USP43: variants seen among roughly 807,000 people sequenced by gnomAD.
USP43 encodes ubiquitin carboxyl-terminal hydrolase 43.
Under a neutral mutation model 90.7 loss-of-function variants are expected in USP43, and 33 were observed. The ratio of observed to expected loss-of-function variants is 0.36; its 90% CI spans 0.28 to 0.49. The LOEUF (loss-of-function observed/expected upper bound fraction) is 0.49. Among genes scored for constraint, USP43 ranks in the 20% least tolerant of loss-of-function variants. USP43 has a pLI of 0.98. For synonymous variants in USP43, 598 were observed against 615.8 expected (o/e 0.97, Z 0.43); for missense variants, 1,274 against 1,476.4 (o/e 0.86, Z 2.25).
intron 14 of USP43, among the ~76,000 whole-genome samples, chr17:9,720,349 G>GAAAT (rs1461732507): frequency 2.3e-5 from 3 of 133,094 alleles, no homozygotes; most frequent in Non-Finnish European, 4.8e-5. Context: ...AAGAAAGAAA[G>GAAAT]AAAAGAAAAA....
intron 1 of USP43, 139 bp from the exon 2 acceptor site, chr17:9,656,264 T>G (rs1288857626): frequency 1.7e-6 from 2 of 1,183,752 alleles, no homozygotes; most frequent in Admixed American, 2.7e-5. Flanking sequence ...GAAAGAACAT[T>G]TCTACCCCGG....
At chr17:9,708,439 G>A (rs376469861) in intron 12 of USP43, among the ~76,000 whole-genome samples, 6 of 152,172 alleles carry the variant, frequency 3.9e-5, no homozygotes, top group African/African-American at 1.4e-4. Context: ...CTGAGATGTT[G>A]GTGTTGACAA....
At chr17:9,711,391 A>G (rs1394269824) in intron 13 of USP43, among the ~76,000 whole-genome samples, 1 of 152,226 alleles carries the variant, frequency 6.6e-6, no homozygotes, top group African/African-American at 2.4e-5. Context: ...AAGCATTTCA[A>G]AACTTGTCAA....
At position 9,709,882 on chromosome 17, in the gene USP43, G is replaced by C; in HGVS notation, c.2012-74G>C. The C allele has an allele frequency of 7.5e-7, 1 of 1,339,790 alleles. No homozygotes were observed. The highest frequency in any genetic ancestry group is 9.7e-7 in the Non-Finnish European group (1 of 1,035,130). 83.0% of individuals were successfully genotyped at this position (1,339,790 alleles called of 1,614,324 possible). ...CTGGTTTAAACATACCGCTTTTTCA[G>C]CTATGCCAGTGGGAAATGTCTTCCT... On this transcript the variant is annotated intron_variant, in intron 12 of 14. Transcript: ENST00000285199. The surrounding 1 kb of genome is among the most constrained non-coding windows in gnomAD (Gnocchi z 5.0).
At chr17:9,660,144 A>G (rs1028680384) in intron 2 of USP43, among the ~76,000 whole-genome samples, 13 of 152,128 alleles carry the variant, frequency 8.5e-5, no homozygotes, top group Non-Finnish European at 1.8e-4. Flanking sequence ...TAAGCCAAGA[A>G]GGCCTGGCAA....
At chr17:9,679,516 CT>C (rs544977324) in intron 5 of USP43, among the ~76,000 whole-genome samples, 5,195 of 82,296 alleles carry the variant, frequency 0.063, 506 homozygotes, top group East Asian at 0.35. Context: ...TGAAATGCAT[CT>C]TTTTTTTTTT....
intron 14 of USP43, among the ~76,000 whole-genome samples, chr17:9,720,053 T>G: frequency 7.1e-6 from 1 of 141,560 alleles, no homozygotes; most frequent in Non-Finnish European, 1.5e-5. Context: ...GGTGACAGAG[T>G]GAGACCCTGT....
chr17:9,701,828 A>T lies in USP43; in HGVS notation c.2011+128A>T, dbSNP rs1444426717. The T allele has an allele frequency of 3.1e-5, 24 of 775,096 alleles. No homozygotes were observed. The highest frequency in any genetic ancestry group is 2.0e-6 in the Non-Finnish European group (1 of 505,020). 48.0% of individuals were successfully genotyped at this position (775,096 alleles called of 1,614,324 possible). A position where few individuals can be genotyped will look rare whatever the true frequency, so the allele number is the denominator to read the frequency against. On this transcript the variant is annotated intron_variant, in intron 12 of 14. Coordinates refer to ENST00000285199, the MANE Select transcript of USP43 (RefSeq NM_153210.5). The surrounding 1 kb of genome is among the most constrained non-coding windows in gnomAD (Gnocchi z 7.2). ...TGAGATCCGACCCCTCACCCACCGCACACCAGGAAGATGAGGATGAGGAAA... is the reference window on the plus strand; with the variant it reads ...TGAGATCCGACCCCTCACCCACCGCTCACCAGGAAGATGAGGATGAGGAAA...
intron 13 of USP43, among the ~76,000 whole-genome samples, chr17:9,710,913 G>A (rs1348232061): frequency 2.1e-5 from 3 of 143,998 alleles, no homozygotes; most frequent in African/African-American, 8.3e-5. Context: ...CTTATCTTTG[G>A]GACAAGAGAG....
intron 2 of USP43, among the ~76,000 whole-genome samples, chr17:9,664,518 C>T (rs140746219): frequency 2.4e-3 from 361 of 152,108 alleles, no homozygotes; most frequent in African/African-American, 8.2e-3. Context: ...CTATGGTATT[C>T]AAGTTTCATG....
At chr17:9,667,795 C>T (rs1913140415) in intron 3 of USP43, among the ~76,000 whole-genome samples, 1 of 152,024 alleles carries the variant, frequency 6.6e-6, no homozygotes, top group Non-Finnish European at 1.5e-5. Context: ...TGCATGTGTG[C>T]GTGCACGTGT....
rs1915535364 is a variant in USP43, at chr17:9,701,064, A to G, written c.1536-55A>G. On this transcript the variant is annotated intron_variant, in intron 10 of 14. Coordinates refer to ENST00000285199, the MANE Select transcript of USP43 (RefSeq NM_153210.5). The surrounding 1 kb of genome is among the most constrained non-coding windows in gnomAD (Gnocchi z 7.2). ...TTTGCTGTGAGTAGAGACATAGACGAAACCTGTCTGGGAGCAGGAAAGTCC... is the reference window on the plus strand; with the variant it reads ...TTTGCTGTGAGTAGAGACATAGACGGAACCTGTCTGGGAGCAGGAAAGTCC... 1 of 1,436,942 alleles carries G rather than the reference A, an allele frequency of 7.0e-7. No homozygotes were observed. Among genetic ancestry groups the G allele is most frequent in the Non-Finnish European group, 9.2e-7 (1 of 1,092,700 alleles). The allele number at this position is 1,436,942 out of a possible 1,614,324, so 89.0% of individuals were successfully genotyped here.
At chr17:9,648,033 C>G (rs1358865216) in intron 1 of USP43, among the ~76,000 whole-genome samples, 1 of 152,002 alleles carries the variant, frequency 6.6e-6, no homozygotes, top group Non-Finnish European at 1.5e-5. Context: ...AAAAGCAAAG[C>G]AAAACAAAAC....
chr17:9,728,550 AGC>A lies in USP43; in HGVS notation c.2933_2934del (p.Ser978LysfsTer9). ...CCCCTATATGGGATTCTCTGGAAACAGCAAAGACAGTCGCCGAGGCACCTCTG... is the reference window on the plus strand; with the variant it reads ...CCCCTATATGGGATTCTCTGGAAACAAAAGACAGTCGCCGAGGCACCTCTG... ...PSPYMGFSGN[S>X]KDSRRGTSEL... On this transcript the variant is annotated frameshift_variant, in exon 15 of 15. Transcript: ENST00000285199. LOFTEE classifies it low-confidence loss of function (END_TRUNC). The surrounding 1 kb of genome is among the most constrained non-coding windows in gnomAD (Gnocchi z 6.2). The A allele has an allele frequency of 6.2e-7, 1 of 1,614,030 alleles. No homozygotes were observed.
At chr17:9,682,540 A>C (rs1390008542) in intron 6 of USP43, among the ~76,000 whole-genome samples, 1 of 152,234 alleles carries the variant, frequency 6.6e-6, no homozygotes, top group East Asian at 1.9e-4. Context: ...ACTGTACTCC[A>C]TCCAGCCTGG....
At chr17:9,717,088 G>C (rs2151998558) in intron 14 of USP43, among the ~76,000 whole-genome samples, 1 of 151,548 alleles carries the variant, frequency 6.6e-6, no homozygotes. Context: ...GAACCCAGGA[G>C]GTGGAGGTTG....
chr17:9,684,052 G>T (rs7217807), intron 7 of USP43, among the ~76,000 whole-genome samples: 1 of 151,764 alleles, frequency 6.6e-6, no homozygotes, highest in African/African-American at 2.4e-5. Context: ...CAGGAGAATC[G>T]CTTGAACCCA....
intron 6 of USP43, among the ~76,000 whole-genome samples, chr17:9,682,020 A>C (rs772337967): frequency 1.7e-4 from 26 of 152,174 alleles, no homozygotes; most frequent in Non-Finnish European, 3.5e-4. Flanking sequence ...TTTCAAATTC[A>C]ATCATGGTGG....
Position 9,682,978 on chromosome 17 carries a change from T to G in USP43, c.1241+20T>G. On this transcript the variant is annotated intron_variant, in intron 7 of 14. Transcript: ENST00000285199. Reference sequence around the variant, plus strand: ...TAGCAGGTATGTTTCACTTTATTCTTTTTTCATGTGGTGTCTGGGATTTGT... The same window carrying G: ...TAGCAGGTATGTTTCACTTTATTCTGTTTTCATGTGGTGTCTGGGATTTGT... The G allele has an allele frequency of 6.2e-7, 1 of 1,609,452 alleles. No individual in the cohort carries two copies. The highest frequency in any genetic ancestry group is 8.5e-7 in the Non-Finnish European group (1 of 1,176,590).
Sources: allele counts gnomAD v4.1 joint callset (sites outside exome capture counted in the v4.1 genomes callset), GRCh38; gene constraint gnomAD v4.1.1; non-coding constraint Gnocchi (gnomAD v3.1); transcripts MANE v1.5; gene names NCBI Gene and HGNC (gene_info 2026-07-23, HGNC 2026-07-21).